SOHLH1: variants seen among roughly 807,000 people sequenced by gnomAD.
The protein encoded by SOHLH1 is spermatogenesis- and oogenesis-specific basic helix-loop-helix-containing protein 1.
SOHLH1 carries 23 observed loss-of-function variants against 36.2 expected under a neutral mutation model. The observed-to-expected ratio is 0.64, with a 90% CI of 0.46 to 0.90. SOHLH1 has a LOEUF of 0.90. Among genes scored for constraint, SOHLH1 ranks in the 40% least tolerant of loss-of-function variants. The probability of loss-of-function intolerance (pLI) is 0.00; values close to 1 mark genes in which losing one functional copy is unlikely to be tolerated. For missense variants in SOHLH1, 608 were observed against 517.0 expected (o/e 1.18, Z -1.71); for synonymous variants, 289 against 228.3 (o/e 1.27, Z -2.40).
At chr9:135,696,086 C>T (rs1397031827) in intron 5 of SOHLH1, among the ~76,000 whole-genome samples, 1 of 54,668 alleles carries the variant, frequency 1.8e-5, no homozygotes, top group Non-Finnish European at 3.9e-5. Context: ...CTCCCCACTT[C>T]CCACAGACCC....
chr9:135,700,156 T>C (rs1834981902), upstream of SOHLH1, among the ~76,000 whole-genome samples: 1 of 152,218 alleles, frequency 6.6e-6, no homozygotes, highest in South Asian at 2.1e-4. Context: ...CACCTGGCCC[T>C]GCCCAAGCAC....
rs1588235364 is a variant in SOHLH1 at position 135,699,042 on chromosome 9, A to C, written c.150T>G (p.Gly50=). Residue 50 remains glycine (G), a synonymous_variant, in exon 2 of 8, where the codon GGT becomes GGG. Transcript: ENST00000425225. ...GPPKAPTVAE[G]PSSCLRRNVI... ...CGTTCCGCCGAAGGCAGGAGCTGGGACCCTCGGCCACCGTAGGGGCCTTGG... is the reference window on the plus strand; with the variant it reads ...CGTTCCGCCGAAGGCAGGAGCTGGGCCCCTCGGCCACCGTAGGGGCCTTGG... The C allele has an allele frequency of 1.2e-6, 2 of 1,611,176 alleles. No individual in the cohort carries two copies. The highest frequency in any genetic ancestry group is 8.5e-7 in the Non-Finnish European group (1 of 1,179,662).
chr9:135,699,458 G>A lies in SOHLH1; in HGVS notation c.10C>T (p.Arg4Trp), dbSNP rs138784478. ...ACCTCCGGGTAGGGCTCGGAGCACC[G>A]GGACGCCATGAACTCGCAGCTGCGG... Reference protein sequence around the residue: MASRCSEPYPEVSR... With the variant: MASWCSEPYPEVSR... The change falls in exon 1 of 8, where the codon CGG becomes TGG. Residue 4 changes from arginine to tryptophan, a missense_variant. Physicochemically the swap from Arg to Trp is moderately radical, Grantham distance 101. Coordinates refer to ENST00000425225, the MANE Select transcript of SOHLH1 (RefSeq NM_001101677.2). The A allele has an allele frequency of 1.1e-5, 17 of 1,612,016 alleles. No homozygotes were observed. The African/African-American group carries it at 1.2e-4, about 11-fold the overall frequency.
chr9:135,696,774 G>A lies in SOHLH1; in HGVS notation c.499C>T (p.Pro167Ser), dbSNP rs1834820491. 3 of 1,613,090 alleles carry A rather than the reference G, an allele frequency of 1.9e-6. No homozygotes were observed. The highest frequency in any genetic ancestry group is 1.1e-5 in the South Asian group (1 of 91,084). The change falls in exon 5 of 8, where the codon CCT (proline) becomes TCT (serine). Residue 167 changes from proline to serine, a missense_variant. Coordinates refer to ENST00000425225, the MANE Select transcript of SOHLH1 (RefSeq NM_001101677.2). ...TPDVKAFLES[P>S]WSLDPASASP... The stretch of plus-strand genomic sequence containing the variant: ...GCCGACGCTGGATCCAGGGACCAAG[G>A]ACTTTCCAGAAACGCCTTCACATCT...
At chr9:135,695,399 G>A in intron 5 of SOHLH1, 136 bp from the exon 6 acceptor site, 1 of 755,360 alleles carries the variant, frequency 1.3e-6, no homozygotes, top group East Asian at 2.7e-5. Context: ...CTGCAGCAGG[G>A]ACACGTGGGA....
At chr9:135,698,256 C>T in intron 3 of SOHLH1, 73 bp downstream of exon 3, 5 of 1,598,788 alleles carry the variant, frequency 3.1e-6, no homozygotes, top group Non-Finnish European at 4.3e-6. Flanking sequence ...AGGGGACACA[C>T]TGCCTGCAAG....
intron 5 of SOHLH1, among the ~76,000 whole-genome samples, chr9:135,695,796 C>A (rs1310669540): frequency 6.6e-6 from 1 of 152,140 alleles, no homozygotes; most frequent in Non-Finnish European, 1.5e-5. Flanking sequence ...ATCAGAGGCG[C>A]CCTGCAGGGC....
chr9:135,699,964 C>T (rs1326991964), upstream of SOHLH1, among the ~76,000 whole-genome samples: 4 of 152,030 alleles, frequency 2.6e-5, no homozygotes, highest in Admixed American at 2.0e-4. Flanking sequence ...CCCAGTCGCC[C>T]ACGCCTCCAT....
At chr9:135,696,590 C>T in intron 5 of SOHLH1, 22 bp downstream of exon 5, 1 of 1,611,034 alleles carries the variant, frequency 6.2e-7, no homozygotes, top group South Asian at 1.1e-5. Context: ...AAAGGCACCC[C>T]ACATGCACAC....
chr9:135,699,307 G>C (rs1834942748), intron 1 of SOHLH1, 96 bp downstream of exon 1: 10 of 1,502,804 alleles, frequency 6.7e-6, no homozygotes, highest in Non-Finnish European at 9.1e-6. Context: ...TCCGCCCCAG[G>C]AGGCCCAGGA....
At chr9:135,695,961 G>C (rs576028484) in intron 5 of SOHLH1, among the ~76,000 whole-genome samples, 349 of 152,294 alleles carry the variant, frequency 2.3e-3, no homozygotes, top group African/African-American at 8.0e-3. Flanking sequence ...CAGATGGGGC[G>C]CCCCGGGGAA....
rs768925087 is a variant in SOHLH1 at position 135,696,731 on chromosome 9, G to C, written c.542C>G (p.Pro181Arg). ...CTGCCTGGAGGACGCAAGGATGTGC[G>C]GCACGGGCTCTGGGCTGGCCGACGC... is the stretch of plus-strand genomic sequence containing the variant. ...DPASASPEPVPHILASSRQWD... is the reference protein window; with the variant it reads ...DPASASPEPVRHILASSRQWD... Residue 181 changes from proline (P) to arginine (R), a missense_variant, in exon 5 of 8, where the codon CCG becomes CGG. Transcript: ENST00000425225. 5.6e-6 allele frequency: 9 copies of C among 1,613,040 alleles called. No individual in the cohort carries two copies. The East Asian group carries it at 1.1e-4, about 20-fold the overall frequency.
chr9:135,694,270 G>A (rs1834701897), intron 7 of SOHLH1, 117 bp downstream of exon 7: 1 of 1,558,456 alleles, frequency 6.4e-7, no homozygotes, highest in Admixed American at 1.9e-5. Flanking sequence ...GAGAAAACGG[G>A]GGCTCAGACA....
At chr9:135,702,041 C>T, upstream of SOHLH1, 1 of 520,196 alleles carries the variant, frequency 1.9e-6, no homozygotes, top group South Asian at 2.4e-5. Context: ...CCTCCCTACC[C>T]CGCACCCCCG....
chr9:135,697,621 C>G lies in SOHLH1; in HGVS notation c.352G>C (p.Ala118Pro). 1 of 1,611,252 alleles carries G rather than the reference C, an allele frequency of 6.2e-7. No homozygotes were observed. Among genetic ancestry groups the G allele is most frequent in the Non-Finnish European group, 8.5e-7 (1 of 1,179,056 alleles). The stretch of plus-strand genomic sequence containing the variant: ...GAGTGCCACATTTCCTTGGAGGAAG[C>G]AAGAATCTGAAATTTAAGTAAACAT... ...GPSQEQHAIL[A>P]SSKEMWHSLQ... Residue 118 changes from alanine to proline, a missense_variant, in exon 4 of 8, where the codon GCT becomes CCT. By Grantham distance (27) the Ala-to-Pro change is conservative. Coordinates refer to ENST00000425225, the MANE Select transcript of SOHLH1 (RefSeq NM_001101677.2).
intron 1 of SOHLH1, 25 bp from the exon 2 acceptor site, chr9:135,699,151 G>A (rs911398988): frequency 1.3e-6 from 2 of 1,575,904 alleles, no homozygotes; most frequent in Admixed American, 1.8e-5. Context: ...AAGAGCACCG[G>A]GCCCTGAGAA....
intron 6 of SOHLH1, 47 bp from the exon 7 acceptor site, chr9:135,694,504 C>G (rs748620608): frequency 6.2e-7 from 1 of 1,605,498 alleles, no homozygotes; most frequent in South Asian, 1.1e-5. Context: ...GGACCCAGAC[C>G]TTGGAGCTCA....
In SOHLH1 at chr9:135,696,774, G is replaced by C; in HGVS notation, c.499C>G (p.Pro167Ala). 6.2e-7 allele frequency: 1 copy of C among 1,613,090 alleles called. No homozygotes were observed. Among genetic ancestry groups the C allele is most frequent in the Non-Finnish European group, 8.5e-7 (1 of 1,180,006 alleles). Reference protein sequence around the residue: ...TPDVKAFLESPWSLDPASASP... With the variant: ...TPDVKAFLESAWSLDPASASP... ...GCCGACGCTGGATCCAGGGACCAAG[G>C]ACTTTCCAGAAACGCCTTCACATCT... The change falls in exon 5 of 8, where the codon CCT becomes GCT. Residue 167 changes from proline (P) to alanine (A), a missense_variant. Transcript: ENST00000425225.
intron 1 of SOHLH1, 108 bp downstream of exon 1, chr9:135,699,295 G>A (rs540651432): frequency 1.3e-6 from 2 of 1,498,482 alleles, no homozygotes. Context: ...AGGGTCCAGG[G>A]CTCCGCCCCA....
Sources: gnomAD v4.1 joint callset for allele counts (sites outside exome capture counted in the v4.1 genomes callset) on GRCh38, gnomAD v4.1.1 for gene constraint, MANE v1.5 for transcripts, NCBI Gene and HGNC (gene_info 2026-07-23, HGNC 2026-07-21) for gene names.